PTPRN2: variants seen among roughly 807,000 people sequenced by gnomAD.
The protein encoded by PTPRN2 is protein tyrosine phosphatase receptor type N2, also known as receptor-type tyrosine-protein phosphatase N2.
In PTPRN2, 74 loss-of-function variants were observed where a neutral mutation model predicts 118.8. The ratio of observed to expected loss-of-function variants is 0.62; its 90% confidence interval spans 0.52 to 0.76. The LOEUF is 0.76. Among genes scored for constraint, PTPRN2 ranks in the 30% least tolerant of loss-of-function variants. The pLI, the probability that PTPRN2 is intolerant of heterozygous loss-of-function variation, is 0.00. For synonymous variants in PTPRN2, 641 were observed against 608.0 expected, an observed-to-expected ratio of 1.05 and a Z score of -0.80; for missense variants, 1,481 against 1,394.4, an observed-to-expected ratio of 1.06 and a Z score of -0.99.
At position 158,488,877 on chromosome 7, in the gene PTPRN2, C is replaced by T. The variant is rs754375225; in HGVS notation, c.163+858G>A. ...CCTGACTTGGAGAAAGGCGGCTCCGCCCAGCGCTTTTCTGAGGATACTGGA... is the reference window on the plus strand; with the variant it reads ...CCTGACTTGGAGAAAGGCGGCTCCGTCCAGCGCTTTTCTGAGGATACTGGA... On this transcript the variant is annotated intron_variant, in intron 2 of 22. Transcript: ENST00000389418. Among the ~76,000 whole-genome samples, 21 of 152,338 alleles carry T rather than the reference C, an allele frequency of 1.4e-4. 1 individual carries two copies. In the South Asian group the frequency reaches 1.4e-3, roughly 11 times the overall value.
At chr7:158,347,506 T>C (rs1210234822) in intron 2 of PTPRN2, among the ~76,000 whole-genome samples, 1 of 152,236 alleles carries the variant, frequency 6.6e-6, no homozygotes. Context: ...GTTATTATAG[T>C]TTCATAGTAT....
At chr7:158,085,992 TCTC>T (rs1387999319) in intron 10 of PTPRN2, among the ~76,000 whole-genome samples, 3 of 152,178 alleles carry the variant, frequency 2.0e-5, no homozygotes, top group Non-Finnish European at 2.9e-5. Flanking sequence ...ATGGGTGTTT[TCTC>T]CGTCAGGCAC....
chr7:158,251,067 G>A (rs1333190285), intron 3 of PTPRN2, among the ~76,000 whole-genome samples: 1 of 152,078 alleles, frequency 6.6e-6, no homozygotes, highest in Non-Finnish European at 1.5e-5. Context: ...TCCCTATCTA[G>A]GCTGGCATGA....
At chr7:158,300,474 A>G (rs1261318185) in intron 3 of PTPRN2, among the ~76,000 whole-genome samples, 2 of 93,690 alleles carry the variant, frequency 2.1e-5, no homozygotes, top group Non-Finnish European at 4.6e-5. Flanking sequence ...TTTATCTCCC[A>G]ACCTATATTT....
chr7:157,920,884 C>T (rs1798659116), intron 11 of PTPRN2, among the ~76,000 whole-genome samples: 1 of 152,038 alleles, frequency 6.6e-6, no homozygotes, highest in Non-Finnish European at 1.5e-5. Flanking sequence ...ACCAAAAGCA[C>T]AGTTCATGAA....
At chr7:157,743,277 C>T (rs929521723) in intron 12 of PTPRN2, among the ~76,000 whole-genome samples, 26 of 152,260 alleles carry the variant, frequency 1.7e-4, no homozygotes, top group South Asian at 6.2e-4. Context: ...GAATGTCAGC[C>T]GCCTTCCACA....
intron 1 of PTPRN2, among the ~76,000 whole-genome samples, chr7:158,523,430 C>G (rs932260249): frequency 2.2e-5 from 2 of 92,402 alleles, no homozygotes; most frequent in African/African-American, 7.0e-5. Context: ...TGCCCTGAAG[C>G]GGAGTCTGCC....
chr7:157,624,511 T>C (rs1339464141), intron 14 of PTPRN2, among the ~76,000 whole-genome samples: 1 of 152,114 alleles, frequency 6.6e-6, no homozygotes, highest in African/African-American at 2.4e-5. Flanking sequence ...AATACCTACC[T>C]TCCTCTGCTG....
At chr7:157,579,533 T>C (rs2150530099) in intron 17 of PTPRN2, among the ~76,000 whole-genome samples, 1 of 152,272 alleles carries the variant, frequency 6.6e-6, no homozygotes, top group South Asian at 2.1e-4. Flanking sequence ...GTAATAAAAA[T>C]ACAATGATCT....
intron 12 of PTPRN2, among the ~76,000 whole-genome samples, chr7:157,852,724 C>G (rs367644873): frequency 1.3e-5 from 2 of 151,974 alleles, no homozygotes; most frequent in Non-Finnish European, 2.9e-5. Flanking sequence ...CAAAAATTAG[C>G]TGGGTGTGGT....
intron 1 of PTPRN2, among the ~76,000 whole-genome samples, chr7:158,561,185 A>G (rs1198044328): frequency 1.3e-5 from 2 of 152,238 alleles, no homozygotes; most frequent in Non-Finnish European, 2.9e-5. Flanking sequence ...CTTAATTCTC[A>G]TAGTTCCTTG....
At chr7:157,824,985 T>C (rs1807079733) in intron 12 of PTPRN2, among the ~76,000 whole-genome samples, 1 of 152,122 alleles carries the variant, frequency 6.6e-6, no homozygotes, top group Admixed American at 6.5e-5. Flanking sequence ...AGTCAGCCAA[T>C]GTGGCCCCAA....
chr7:158,079,914 G>A (rs1168520803), intron 11 of PTPRN2, among the ~76,000 whole-genome samples: 1 of 152,176 alleles, frequency 6.6e-6, no homozygotes, highest in Non-Finnish European at 1.5e-5. Flanking sequence ...AAGCCTCACA[G>A]CAAAGTATGG....
intron 12 of PTPRN2, among the ~76,000 whole-genome samples, chr7:157,737,024 C>T (rs1228308062): frequency 6.6e-6 from 1 of 152,242 alleles, no homozygotes; most frequent in Non-Finnish European, 1.5e-5. Context: ...GGGGGCAATG[C>T]ATCTTCTCAG....
At chr7:158,146,447 C>G (rs562363292) in intron 6 of PTPRN2, among the ~76,000 whole-genome samples, 4 of 152,062 alleles carry the variant, frequency 2.6e-5, no homozygotes, top group Non-Finnish European at 4.4e-5. Flanking sequence ...ATAGGCTGGG[C>G]TTGGTGGCTC....
chr7:157,814,681 G>A (rs1026878524), intron 12 of PTPRN2, among the ~76,000 whole-genome samples: 4 of 152,240 alleles, frequency 2.6e-5, no homozygotes, highest in Admixed American at 1.3e-4. Context: ...AAGGAGGCGA[G>A]AAGCGGGGAG....
chr7:158,360,055 A>T lies in PTPRN2; in HGVS notation c.164-43123T>A, dbSNP rs538194026. ...ACAGATCCCAAGTCCACCCACACCC[A>T]GGACGACGCACAGACCCCACATCCA... is the stretch of plus-strand genomic sequence containing the variant. On this transcript the variant is annotated intron_variant, in intron 2 of 22. Transcript: ENST00000389418. 1.2e-3 allele frequency among the ~76,000 whole-genome samples: 168 copies of T among 138,440 alleles called. 4 individuals are homozygous for T. Among genetic ancestry groups the T allele is most frequent in the African/African-American group, 4.2e-3 (147 of 34,708 alleles). 90.8% of individuals were successfully genotyped at this position (138,440 alleles called of 152,430 possible). A position where few individuals can be genotyped will look rare whatever the true frequency, so the allele number is the denominator to read the frequency against.
intron 11 of PTPRN2, among the ~76,000 whole-genome samples, chr7:158,071,396 GCTCGTGGTGGAGTTGCTCCTGGTGGT>G (rs1310634381): frequency 1.2e-5 from 1 of 84,146 alleles, no homozygotes; most frequent in Non-Finnish European, 2.6e-5. Flanking sequence ...TGGTGGAGGT[GCTCGTGGTGGAGTTGCTCCTGGTGGT>G]GGAGGTGCTC....
At chr7:157,920,374 A>T (rs1040559431) in intron 11 of PTPRN2, among the ~76,000 whole-genome samples, 1 of 152,220 alleles carries the variant, frequency 6.6e-6, no homozygotes, top group African/African-American at 2.4e-5. Flanking sequence ...AGCACCTCCC[A>T]GGAGCGCCAG....
Sources: gnomAD v4.1 joint callset for allele counts (sites outside exome capture counted in the v4.1 genomes callset) on GRCh38, gnomAD v4.1.1 for gene constraint, MANE v1.5 for transcripts, NCBI Gene and HGNC (gene_info 2026-07-23, HGNC 2026-07-21) for gene names.